PPM1B: variants seen among roughly 807,000 people sequenced by gnomAD.
PPM1B encodes the protein protein phosphatase, Mg2+/Mn2+ dependent 1B.
PPM1B carries 22 observed loss-of-function variants against 43.0 expected under a neutral mutation model. That is an observed-to-expected ratio of 0.51 (90% CI 0.37 to 0.73). The LOEUF (loss-of-function observed/expected upper bound fraction) is 0.73. PPM1B is among the 30% of genes least tolerant of loss of function. The pLI is 0.00. For synonymous variants in PPM1B, 217 were observed against 197.9 expected, an observed-to-expected ratio of 1.10 and a Z score of -0.81; for missense variants, 632 against 584.2, an observed-to-expected ratio of 1.08 and a Z score of -0.84.
chr2:44,209,715 T>G (rs918922761), intron 3 of PPM1B, among the ~76,000 whole-genome samples: 4 of 149,874 alleles, frequency 2.7e-5, no homozygotes, highest in Non-Finnish European at 5.9e-5. Flanking sequence ...AGGTGGAGGT[T>G]GCAGTGAGCC....
chr2:44,174,734 T>C (rs1667501482), intron 1 of PPM1B, among the ~76,000 whole-genome samples: 2 of 152,252 alleles, frequency 1.3e-5, no homozygotes, highest in Admixed American at 6.5e-5. Context: ...TTTTTAAATC[T>C]AATCGCATTT....
intron 5 of PPM1B, among the ~76,000 whole-genome samples, chr2:44,228,251 G>A: frequency 7.0e-6 from 1 of 142,160 alleles, no homozygotes; most frequent in East Asian, 2.1e-4. Flanking sequence ...TCATTGGTAT[G>A]GTCATGGGTC....
downstream of PPM1B, chr2:44,232,226 T>C: frequency 6.6e-7 from 1 of 1,525,154 alleles, no homozygotes; most frequent in African/African-American, 1.4e-5. Context: ...GAAGGTAATT[T>C]GTTCATCAAT....
intron 1 of PPM1B, among the ~76,000 whole-genome samples, chr2:44,179,678 G>C (rs1667767957): frequency 6.6e-6 from 1 of 152,094 alleles, no homozygotes; most frequent in South Asian, 2.1e-4. Context: ...ATTAGATTTA[G>C]ATGTTAGTGT....
At chr2:44,178,469 TA>T (rs1236051773) in intron 1 of PPM1B, among the ~76,000 whole-genome samples, 284 of 78,436 alleles carry the variant, frequency 3.6e-3, no homozygotes, top group African/African-American at 0.012. Flanking sequence ...TATATATATA[TA>T]TATATTTTTT....
At chr2:44,222,642 G>A (rs368482551) in intron 5 of PPM1B, among the ~76,000 whole-genome samples, 1 of 152,100 alleles carries the variant, frequency 6.6e-6, no homozygotes, top group Non-Finnish European at 1.5e-5. Context: ...GAGGTAGTTT[G>A]CACAGGTCAC....
chr2:44,173,017 G>A (rs1467262730), intron 1 of PPM1B, among the ~76,000 whole-genome samples: 2 of 152,178 alleles, frequency 1.3e-5, no homozygotes, highest in Non-Finnish European at 2.9e-5. Context: ...AGACTACCTA[G>A]AAGACTAACA....
downstream of PPM1B, chr2:44,233,239 T>C (rs996909574): frequency 2.2e-6 from 2 of 896,126 alleles, no homozygotes; most frequent in Non-Finnish European, 2.7e-6. Flanking sequence ...TTTTAAAAGC[T>C]CAGAATATCA....
At chr2:44,181,876 G>C (rs898177886) in intron 1 of PPM1B, among the ~76,000 whole-genome samples, 1 of 152,136 alleles carries the variant, frequency 6.6e-6, no homozygotes, top group African/African-American at 2.4e-5. Flanking sequence ...CTGTGTTTTG[G>C]GTTGAAGGTT....
chr2:44,239,919 G>A (rs1407344672), intron 5 of PPM1B, among the ~76,000 whole-genome samples: 2 of 144,100 alleles, frequency 1.4e-5, no homozygotes, highest in African/African-American at 2.5e-5. Context: ...GTCTAACCCT[G>A]TGGAAATATC....
rs777743225 is a variant in PPM1B, at chr2:44,231,098, T to C, written c.*380T>C. ...TACTGCTTCATATTATTTTACCTATTAGTACACTCATAGTTAGCTTTGTAA... is the reference window on the plus strand; with the variant it reads ...TACTGCTTCATATTATTTTACCTATCAGTACACTCATAGTTAGCTTTGTAA... On this transcript the variant is annotated 3_prime_UTR_variant, in exon 6 of 6. Transcript: ENST00000282412. 7.8e-6 allele frequency: 7 copies of C among 899,772 alleles called. No homozygotes were observed. The highest frequency in any genetic ancestry group is 6.0e-5 in the Admixed American group (1 of 16,694). 55.7% of individuals were successfully genotyped at this position (899,772 alleles called of 1,614,324 possible).
rs1667988268 is a variant in PPM1B, at chr2:44,183,672, C to G, written c.-15+14398C>G. ...GAGAATTAGCCAGAGAGCTTTTTGA[C>G]CCAACTTTGAGCCTGAGGATGAGAT... On this transcript the variant is annotated intron_variant, in intron 1 of 5. Transcript: ENST00000282412. Among the ~76,000 whole-genome samples, 5 of 152,154 alleles carry G rather than the reference C, an allele frequency of 3.3e-5. No homozygotes were observed. The South Asian group carries it at 1.0e-3, about 32-fold the overall frequency.
intron 5 of PPM1B, among the ~76,000 whole-genome samples, chr2:44,226,984 A>G (rs1443396174): frequency 2.0e-5 from 3 of 151,260 alleles, no homozygotes; most frequent in Non-Finnish European, 4.4e-5. Flanking sequence ...GAATGAATGA[A>G]TGAATGAATG....
At chr2:44,172,510 A>G (rs1216661080) in intron 1 of PPM1B, among the ~76,000 whole-genome samples, 2 of 152,208 alleles carry the variant, frequency 1.3e-5, no homozygotes, top group African/African-American at 4.8e-5. Flanking sequence ...GAGCTTCATA[A>G]TGTGTATTTT....
intron 3 of PPM1B, among the ~76,000 whole-genome samples, chr2:44,211,100 T>C (rs1669444282): frequency 6.6e-6 from 1 of 152,102 alleles, no homozygotes; most frequent in East Asian, 1.9e-4. Context: ...CATGCCACTG[T>C]ACTCTAGCCT....
downstream of PPM1B, among the ~76,000 whole-genome samples, chr2:44,237,475 C>G (rs1256513956): frequency 6.6e-6 from 1 of 152,192 alleles, no homozygotes; most frequent in Admixed American, 6.5e-5. Context: ...CTGTTTTGTG[C>G]TCAGATGTAA....
intron 5 of PPM1B, among the ~76,000 whole-genome samples, chr2:44,242,148 A>G (rs1212407019): frequency 2.0e-5 from 3 of 151,900 alleles, no homozygotes; most frequent in African/African-American, 7.2e-5. Context: ...GTGAGCCACC[A>G]CGCCTGGCCA....
At chr2:44,239,552 T>C (rs180835733), downstream of PPM1B, among the ~76,000 whole-genome samples, 21 of 152,282 alleles carry the variant, frequency 1.4e-4, no homozygotes, top group East Asian at 1.7e-3. Context: ...TTTTAATTTA[T>C]ATATTTTCAT....
intron 4 of PPM1B, 121 bp downstream of exon 4, chr2:44,218,199 T>C: frequency 1.3e-6 from 1 of 757,518 alleles, no homozygotes; most frequent in Non-Finnish European, 2.2e-6. Flanking sequence ...TTAGTGTTTC[T>C]TATACTAGAG....
Sources: allele counts gnomAD v4.1 joint callset (sites outside exome capture counted in the v4.1 genomes callset), GRCh38; gene constraint gnomAD v4.1.1; transcripts MANE v1.5; gene names NCBI Gene and HGNC (gene_info 2026-07-23, HGNC 2026-07-21).